Variants in NDE1 observed in about 807,000 individuals in gnomAD.
NDE1 encodes the protein nudE neurodevelopment protein 1, also known as nuclear distribution protein nudE homolog 1.
Under a neutral mutation model 43.4 loss-of-function variants are expected in NDE1, and 28 were observed. That is an observed-to-expected ratio of 0.65 (90% confidence interval 0.48 to 0.89). The LOEUF (loss-of-function observed/expected upper bound fraction) is 0.89, where lower values mean the gene tolerates loss of function less well. Among genes scored for constraint, NDE1 ranks in the 40% least tolerant of loss-of-function variants. The pLI, the probability that NDE1 is intolerant of heterozygous loss-of-function variation, is 0.00. For synonymous variants in NDE1, 184 were observed against 172.0 expected (o/e 1.07, Z -0.55); for missense variants, 441 against 434.1 (o/e 1.02, Z -0.14).
At position 15,721,182 on chromosome 16, in the gene NDE1, C is replaced by T. The variant is rs1596719949; in HGVS notation, c.948-3009C>T. 3.8e-6 allele frequency: 4 copies of T among 1,059,118 alleles called. No homozygotes were observed. In the East Asian group the frequency reaches 1.0e-4, roughly 27 times the overall value. The allele number at this position is 1,059,118 out of a possible 1,614,324, so 65.6% of individuals were successfully genotyped here. ...CCTCCCACAGGATGCATGGCCGGGA[C>T]TCAAGATGACCCCTGAGAGTTCAGA... On this transcript the variant is annotated intron_variant, in intron 8 of 8. Coordinates refer to ENST00000396354, the MANE Select transcript of NDE1 (RefSeq NM_017668.3).
intron 3 of NDE1, among the ~76,000 whole-genome samples, 182 bp downstream of exon 3, chr16:15,667,621 C>CTTTTTT (rs1457249746): frequency 8.8e-6 from 1 of 113,264 alleles, no homozygotes; most frequent in Admixed American, 1.0e-4. Flanking sequence ...GTGGGTGGTG[C>CTTTTTT]TTTTTGTTTT....
At chr16:15,649,461 G>C (rs1041014780), upstream of NDE1, 1 of 152,238 alleles carries the variant, frequency 6.6e-6, no homozygotes, top group Non-Finnish European at 1.5e-5. Flanking sequence ...TGAGTAGCTG[G>C]GATTACAGGT....
intron 2 of NDE1, among the ~76,000 whole-genome samples, chr16:15,665,328 G>T (rs756501552): frequency 1.4e-4 from 21 of 152,134 alleles, no homozygotes; most frequent in Non-Finnish European, 2.5e-4. Context: ...CTCAGTGAAG[G>T]CAGATAACTT....
chr16:15,694,494 C>T (rs953477316), intron 7 of NDE1: 366 of 1,208,486 alleles, frequency 3.0e-4, no homozygotes, highest in Admixed American at 5.6e-4. Flanking sequence ...CACAGGTGTG[C>T]GCCACTATGC....
At chr16:15,699,549 T>C (rs987720845) in intron 8 of NDE1, 9 of 1,186,276 alleles carry the variant, frequency 7.6e-6, no homozygotes, top group African/African-American at 1.6e-5. Context: ...TTGTGTGACC[T>C]TGGAATCTGA....
intron 1 of NDE1, among the ~76,000 whole-genome samples, chr16:15,650,544 G>T (rs1406608059): frequency 2.6e-5 from 4 of 152,250 alleles, no homozygotes; most frequent in African/African-American, 4.8e-5. Flanking sequence ...TGCCACCGGT[G>T]CGTTCCTCGC....
At chr16:15,702,974 G>A (rs1363980344) in intron 8 of NDE1, among the ~76,000 whole-genome samples, 1 of 152,106 alleles carries the variant, frequency 6.6e-6, no homozygotes, top group Admixed American at 6.6e-5. Context: ...CTGGCTGGCT[G>A]TGGGGTTGTA....
chr16:15,692,611 T>A (rs552039760), intron 6 of NDE1, among the ~76,000 whole-genome samples: 1 of 151,874 alleles, frequency 6.6e-6, no homozygotes, highest in African/African-American at 2.4e-5. Context: ...GGTTTCACCA[T>A]GTTGGCCGGG....
intron 8 of NDE1, among the ~76,000 whole-genome samples, chr16:15,700,835 A>G (rs938950610): frequency 4.6e-5 from 7 of 152,022 alleles, no homozygotes; most frequent in South Asian, 2.1e-4. Context: ...CTTCCCCCCA[A>G]CTCCCAACCA....
upstream of NDE1, among the ~76,000 whole-genome samples, chr16:15,645,296 T>C (rs1268322432): frequency 2.0e-5 from 3 of 152,140 alleles, no homozygotes; most frequent in Admixed American, 6.6e-5. Flanking sequence ...TGGCATTCTT[T>C]CAAGTCCAAA....
At chr16:15,653,494 G>A (rs1207635153) in intron 1 of NDE1, among the ~76,000 whole-genome samples, 1 of 152,030 alleles carries the variant, frequency 6.6e-6, no homozygotes, top group Non-Finnish European at 1.5e-5. Flanking sequence ...TGTTTTGATT[G>A]GGAAGGATAT....
intron 2 of NDE1, among the ~76,000 whole-genome samples, chr16:15,665,676 T>A (rs1249246949): frequency 6.6e-6 from 1 of 151,798 alleles, no homozygotes; most frequent in Non-Finnish European, 1.5e-5. Context: ...AACTCCTGGC[T>A]TCACGTGATC....
intron 8 of NDE1, among the ~76,000 whole-genome samples, chr16:15,698,376 T>C (rs7204617): frequency 0.73 from 110,151 of 151,614 alleles, 40,787 homozygotes; most frequent in African/African-American, 0.9. Flanking sequence ...CCAGCCTGGG[T>C]GATGAAGCGA....
chr16:15,658,097 C>G (rs972093076), intron 1 of NDE1, among the ~76,000 whole-genome samples: 26 of 152,180 alleles, frequency 1.7e-4, no homozygotes, highest in African/African-American at 6.3e-4. Flanking sequence ...CATCCCTTGG[C>G]CCAGCTTTCC....
At chr16:15,674,896 A>T (rs1466125295) in intron 3 of NDE1, among the ~76,000 whole-genome samples, 1 of 151,930 alleles carries the variant, frequency 6.6e-6, no homozygotes, top group African/African-American at 2.4e-5. Context: ...GTAGAGACTG[A>T]GTCTGGCTCT....
At chr16:15,657,128 A>G (rs1389618937) in intron 1 of NDE1, among the ~76,000 whole-genome samples, 1 of 147,250 alleles carries the variant, frequency 6.8e-6, no homozygotes, top group Non-Finnish European at 1.5e-5. Context: ...GCAGAGTTTC[A>G]CTCTTGTCGT....
intron 8 of NDE1, chr16:15,721,731 A>AT: frequency 7.8e-7 from 1 of 1,286,022 alleles, no homozygotes; most frequent in Middle Eastern, 1.9e-4. Context: ...TGCTGAATGT[A>AT]TTGAGGTGCA....
intron 4 of NDE1, chr16:15,686,647 C>T (rs1024578964): frequency 2.5e-4 from 161 of 636,170 alleles, no homozygotes; most frequent in Admixed American, 3.2e-4. Flanking sequence ...CACTGCACTT[C>T]GGCCTGAGAG....
rs545854920 is a variant in NDE1, at chr16:15,697,909, C to G, written c.947+1049C>G. ...GCAACCTCTGCCTCCCAAGTCCAAG[C>G]AATTCTCCTGCCTCAGCCTCCTGAG... On this transcript the variant is annotated intron_variant, in intron 8 of 8. Transcript: ENST00000396354. 2.3e-4 allele frequency among the ~76,000 whole-genome samples: 35 copies of G among 151,700 alleles called. 1 individual carries two copies. In the South Asian group the frequency reaches 7.3e-3, roughly 32 times the overall value.
Sources: allele counts gnomAD v4.1 joint callset (sites outside exome capture counted in the v4.1 genomes callset), GRCh38; gene constraint gnomAD v4.1.1; transcripts MANE v1.5; gene names NCBI Gene and HGNC (gene_info 2026-07-23, HGNC 2026-07-21).